Variants in CFAP47 observed in about 807,000 individuals in gnomAD.
CFAP47 encodes the protein cilia- and flagella-associated protein 47.
Under a neutral mutation model 148.1 loss-of-function variants are expected in CFAP47, and 29 were observed. The ratio of observed to expected loss-of-function variants is 0.20; its 90% CI spans 0.15 to 0.27. The LOEUF (loss-of-function observed/expected upper bound fraction) is 0.27, where lower values mean the gene tolerates loss of function less well. CFAP47 is among the 10% of genes least tolerant of loss of function. The probability of loss-of-function intolerance (pLI) is 1.00; values close to 1 mark genes in which losing one functional copy is unlikely to be tolerated. For missense variants in CFAP47, 1,872 were observed against 1,697.5 expected, an observed-to-expected ratio of 1.10 and a Z score of -1.81; for synonymous variants, 664 against 577.3, an observed-to-expected ratio of 1.15 and a Z score of -2.15.
chrX:36,318,598 A>G (rs1459975031), intron 56 of CFAP47, among the ~76,000 whole-genome samples: 2 of 112,109 alleles, frequency 1.8e-5, no homozygotes, highest in Non-Finnish European at 3.8e-5. Flanking sequence ...GATGTAGGGA[A>G]TAAAGACCAG....
chrX:36,048,978 C>T (rs750076928), intron 26 of CFAP47, among the ~76,000 whole-genome samples: 1 of 110,824 alleles, frequency 9.0e-6, no homozygotes, highest in African/African-American at 3.3e-5. Flanking sequence ...TTATGAAAGT[C>T]GTCCATGCTC....
intron 57 of CFAP47, among the ~76,000 whole-genome samples, chrX:36,332,266 T>C (rs1941570892): frequency 9.7e-6 from 1 of 103,523 alleles, no homozygotes; most frequent in Admixed American, 1.1e-4. Context: ...CTATCTGATA[T>C]GTCAAAAATT....
chrX:36,239,133 AATTTTATCAAAT>A (rs1555995460), intron 48 of CFAP47, among the ~76,000 whole-genome samples: 1 of 112,432 alleles, frequency 8.9e-6, no homozygotes, highest in African/African-American at 3.2e-5. Context: ...AATGCTATAG[AATTTTATCAAAT>A]TAACAAAGTA....
intron 39 of CFAP47, among the ~76,000 whole-genome samples, chrX:36,175,880 C>G (rs866622014): frequency 1.0e-5 from 1 of 99,956 alleles, no homozygotes; most frequent in Non-Finnish European, 2.1e-5. Flanking sequence ...TGGGCAATGG[C>G]GGGCGCCCCT....
chrX:36,238,388 T>C (rs1555995299), intron 48 of CFAP47, among the ~76,000 whole-genome samples: 2 of 112,451 alleles, frequency 1.8e-5, no homozygotes, highest in Admixed American at 1.9e-4. Flanking sequence ...AAAATCTTTT[T>C]CTTTATAAAT....
rs192176141 is a variant in CFAP47 at position 36,137,545 on chromosome X, A to G, written c.5321-413A>G. On this transcript the variant is annotated intron_variant, in intron 33 of 63. Transcript: ENST00000378653. ...CCTGCCACGTGGATGAATTTCTGCAAGAAATAAAGAAACTGGCACTAGCAC... is the reference window on the plus strand; with the variant it reads ...CCTGCCACGTGGATGAATTTCTGCAGGAAATAAAGAAACTGGCACTAGCAC... Among the ~76,000 whole-genome samples, 590 of 110,991 alleles carry G rather than the reference A, an allele frequency of 5.3e-3. 3 individuals carry two copies. Among genetic ancestry groups the G allele is most frequent in the African/African-American group, 0.017 (524 of 30,655 alleles).
chrX:36,264,613 C>T (rs782124991), intron 49 of CFAP47, among the ~76,000 whole-genome samples: 1 of 112,026 alleles, frequency 8.9e-6, no homozygotes, highest in African/African-American at 3.2e-5. Flanking sequence ...CGCTCACTGC[C>T]ACCATTACTG....
chrX:35,980,657 A>G (rs903335177), intron 15 of CFAP47, among the ~76,000 whole-genome samples: 2 of 110,932 alleles, frequency 1.8e-5, no homozygotes, highest in Non-Finnish European at 3.8e-5. Context: ...GTCATCAACA[A>G]TTATTTGTTT....
intron 1 of CFAP47, among the ~76,000 whole-genome samples, chrX:35,924,482 T>G (rs150707277): frequency 0.031 from 3,209 of 104,808 alleles, 52 homozygotes; most frequent in South Asian, 0.05. Context: ...TGTGTATATA[T>G]GTGCACCTAT....
At chrX:36,364,157 A>G (rs182862881) in intron 61 of CFAP47, among the ~76,000 whole-genome samples, 2 of 110,927 alleles carry the variant, frequency 1.8e-5, no homozygotes, top group East Asian at 2.8e-4. Flanking sequence ...AATCTACAGT[A>G]TTGATCATAA....
At chrX:35,941,813 T>G (rs746204965) in intron 3 of CFAP47, among the ~76,000 whole-genome samples, 20 of 111,883 alleles carry the variant, frequency 1.8e-4, no homozygotes, top group African/African-American at 6.5e-4. Flanking sequence ...GTACATACTT[T>G]AAACTGTGGT....
chrX:36,384,836 A>C lies in CFAP47; in HGVS notation c.9394A>C (p.Thr3132Pro). ...MYWKYEINGL[T>P]PTTVPPKNAK... ...CTGGAAGTATGAGATCAATGGATTA[A>C]CTCCAACTACCGTGCCACCAAAAAA... The change falls in exon 64 of 64, where the codon ACT (threonine) becomes CCT (proline). Residue 3132 changes from threonine to proline, a missense_variant. By Grantham distance (38) the Thr-to-Pro change is conservative. Coordinates refer to ENST00000378653, the MANE Select transcript of CFAP47 (RefSeq NM_001304548.2). 1 of 1,166,220 alleles carries C rather than the reference A, an allele frequency of 8.6e-7. No individual in the cohort carries two copies. The highest frequency in any genetic ancestry group is 1.1e-6 in the Non-Finnish European group (1 of 872,094).
chrX:36,015,505 A>G (rs1937086889), intron 22 of CFAP47, among the ~76,000 whole-genome samples: 2 of 111,537 alleles, frequency 1.8e-5, no homozygotes, highest in Non-Finnish European at 3.8e-5. Flanking sequence ...TTGTTTTTAT[A>G]GTTCTGATAT....
chrX:36,329,644 T>A (rs2146971572), intron 57 of CFAP47, among the ~76,000 whole-genome samples: 1 of 112,482 alleles, frequency 8.9e-6, no homozygotes, highest in South Asian at 3.6e-4. Flanking sequence ...ATTTCTGGCA[T>A]TATTTCAGAC....
chrX:36,017,917 T>A (rs781563064), intron 22 of CFAP47, among the ~76,000 whole-genome samples: 3 of 111,583 alleles, frequency 2.7e-5, no homozygotes, highest in Non-Finnish European at 5.7e-5. Context: ...CATTGGTATT[T>A]TGATAGGGAT....
At chrX:36,312,919 A>C (rs1941404864) in intron 56 of CFAP47, among the ~76,000 whole-genome samples, 1 of 110,799 alleles carries the variant, frequency 9.0e-6, no homozygotes, top group South Asian at 3.8e-4. Flanking sequence ...CTGTCTCCCT[A>C]TCCTATGTGA....
chrX:36,371,642 A>G (rs868930595), intron 62 of CFAP47, among the ~76,000 whole-genome samples: 3 of 74,657 alleles, frequency 4.0e-5, no homozygotes, highest in Admixed American at 1.4e-4. Flanking sequence ...ATATACACAC[A>G]TATGTGTATA....
At chrX:36,246,883 G>A (rs1169305045) in intron 48 of CFAP47, among the ~76,000 whole-genome samples, 4 of 110,972 alleles carry the variant, frequency 3.6e-5, no homozygotes, top group African/African-American at 3.3e-5. Context: ...TTAAAATAAC[G>A]TAAACTGAGC....
At chrX:36,213,078 A>G (rs782753192) in intron 45 of CFAP47, among the ~76,000 whole-genome samples, 11 of 111,655 alleles carry the variant, frequency 9.9e-5, no homozygotes, top group Non-Finnish European at 1.5e-4. Context: ...ATGCCACTGC[A>G]TCGAAAGTGA....
Sources: gnomAD v4.1 joint callset for allele counts (sites outside exome capture counted in the v4.1 genomes callset) on GRCh38, gnomAD v4.1.1 for gene constraint, MANE v1.5 for transcripts, NCBI Gene and HGNC (gene_info 2026-07-23, HGNC 2026-07-21) for gene names.